The following RIPOR3 variants were observed in gnomAD, a reference collection of about 807,000 sequenced individuals.
RIPOR3 encodes RIPOR family member 3.
RIPOR3 carries 95 observed loss-of-function variants against 114.3 expected under a neutral mutation model. That is an observed-to-expected ratio of 0.83 (90% CI 0.70 to 0.99). The LOEUF (loss-of-function observed/expected upper bound fraction) is 0.99. Among genes scored for constraint, RIPOR3 ranks in the 50% least tolerant of loss-of-function variants. The pLI is 0.00. For missense variants in RIPOR3, 1,252 were observed against 1,266.9 expected (o/e 0.99, Z 0.18); for synonymous variants, 575 against 543.8 (o/e 1.06, Z -0.80).
chr20:50,589,620 C>T (rs2122853417), intron 20 of RIPOR3, 66 bp downstream of exon 20: 2 of 1,529,776 alleles, frequency 1.3e-6, no homozygotes, highest in Non-Finnish European at 9.0e-7. Flanking sequence ...TTGAAGTTAA[C>T]TAACCTTAAC....
At chr20:50,610,402 C>G (rs926348267) in intron 6 of RIPOR3, among the ~76,000 whole-genome samples, 2 of 152,190 alleles carry the variant, frequency 1.3e-5, no homozygotes, top group Non-Finnish European at 2.9e-5. Context: ...TAACCTGCCA[C>G]CCACTGGGCA....
At chr20:50,683,746 C>T (rs905455809) in intron 1 of RIPOR3, among the ~76,000 whole-genome samples, 1 of 151,830 alleles carries the variant, frequency 6.6e-6, no homozygotes, top group Non-Finnish European at 1.5e-5. Context: ...TGTGAGCCAC[C>T]ACACCTGGTC....
intron 1 of RIPOR3, among the ~76,000 whole-genome samples, chr20:50,686,520 G>T (rs538257485): frequency 6.6e-6 from 1 of 151,948 alleles, no homozygotes; most frequent in Admixed American, 6.6e-5. Context: ...AGGCCTACGC[G>T]GGTAGATCAC....
At chr20:50,649,240 T>A (rs2123385555) in intron 1 of RIPOR3, among the ~76,000 whole-genome samples, 1 of 152,012 alleles carries the variant, frequency 6.6e-6, no homozygotes, top group African/African-American at 2.4e-5. Context: ...AGGTTAGGAG[T>A]TGGAGACCAG....
chr20:50,683,240 A>C (rs1227663807), intron 1 of RIPOR3, among the ~76,000 whole-genome samples: 1 of 152,180 alleles, frequency 6.6e-6, no homozygotes, highest in Non-Finnish European at 1.5e-5. Context: ...ACAGTGAGAG[A>C]GGGAGGGAGG....
chr20:50,609,760 G>A lies in RIPOR3; in HGVS notation c.427-38C>T, dbSNP rs561453038. 60 of 1,354,216 alleles carry A rather than the reference G, an allele frequency of 4.4e-5. No individual in the cohort carries two copies. In the South Asian group the frequency reaches 8.1e-4, roughly 18 times the overall value. 83.9% of individuals were successfully genotyped at this position (1,354,216 alleles called of 1,614,324 possible). Reference sequence around the variant, plus strand: ...CACGGGCTGGTGGCGCTGCCCACGCGGAGGGGCGGCCCCACACCTGCCTGT... The same window carrying A: ...CACGGGCTGGTGGCGCTGCCCACGCAGAGGGGCGGCCCCACACCTGCCTGT... On this transcript the variant is annotated intron_variant, in intron 6 of 21. Coordinates refer to ENST00000327979, the MANE Select transcript of RIPOR3 (RefSeq NM_001290268.2).
chr20:50,599,476 G>A (rs2083422250), intron 13 of RIPOR3, among the ~76,000 whole-genome samples: 1 of 152,168 alleles, frequency 6.6e-6, no homozygotes, highest in Non-Finnish European at 1.5e-5. Flanking sequence ...ATGCCTGAAG[G>A]AAGCTCATCT....
Position 50,616,375 on chromosome 20 carries a change from C to A in RIPOR3, c.270-295G>T, listed in dbSNP as rs74667441. On this transcript the variant is annotated intron_variant, in intron 3 of 21. Coordinates refer to ENST00000327979, the MANE Select transcript of RIPOR3 (RefSeq NM_001290268.2). ...TTTATTGTTTGAGACAAGGTCCCCC[C>A]TCTCTCGCCCAGGCTGGAGTGCAGT... 1.4e-3 allele frequency among the ~76,000 whole-genome samples: 213 copies of A among 152,268 alleles called. 1 individual carries two copies. Among genetic ancestry groups the A allele is most frequent in the African/African-American group, 4.9e-3 (204 of 41,562 alleles).
chr20:50,657,677 T>C, intron 1 of RIPOR3, among the ~76,000 whole-genome samples: 1 of 152,012 alleles, frequency 6.6e-6, no homozygotes, highest in Non-Finnish European at 1.5e-5. Context: ...AGTATTTTTC[T>C]AATACTAGTT....
rs1006037258 is a variant in RIPOR3 at position 50,616,049 on chromosome 20, C to G, written c.301G>C (p.Asp101His). The G allele has an allele frequency of 6.8e-6, 11 of 1,611,804 alleles. No individual in the cohort carries two copies. Among genetic ancestry groups the G allele is most frequent in the Non-Finnish European group, 9.3e-6 (11 of 1,179,236 alleles). ...EYLCVQQAEL[D>H]HLSGRHKDTR... ...TCTTTGTGGCGTCCAGACAGGTGGT[C>G]CAGCTCAGCCTGCTGCACACACAGA... The change falls in exon 4 of 22, where the codon GAC (aspartate) becomes CAC (histidine). Residue 101 changes from aspartate (D) to histidine (H), a missense_variant. Physicochemically the swap from Asp to His is moderately conservative, Grantham distance 81 (BLOSUM62 -1). Coordinates refer to ENST00000327979, the MANE Select transcript of RIPOR3 (RefSeq NM_001290268.2).
chr20:50,633,571 T>A (rs1426011967), intron 1 of RIPOR3, among the ~76,000 whole-genome samples: 1 of 152,048 alleles, frequency 6.6e-6, no homozygotes, highest in Non-Finnish European at 1.5e-5. Context: ...AGGTGAGTAG[T>A]TGAGACGTAC....
chr20:50,665,064 T>C (rs903199880), intron 1 of RIPOR3, among the ~76,000 whole-genome samples: 4 of 152,056 alleles, frequency 2.6e-5, no homozygotes, highest in Non-Finnish European at 4.4e-5. Context: ...ATCATGCCAC[T>C]GCATTCCAGC....
chr20:50,592,660 C>T (rs1017539735), intron 18 of RIPOR3, 114 bp from the exon 19 acceptor site: 47 of 971,212 alleles, frequency 4.8e-5, no homozygotes, highest in Non-Finnish European at 5.7e-5. Flanking sequence ...CCAGACCCAC[C>T]GGGATGATCA....
At chr20:50,609,261 G>A in intron 8 of RIPOR3, 32 bp downstream of exon 8, 2 of 1,609,410 alleles carry the variant, frequency 1.2e-6, no homozygotes, top group Non-Finnish European at 1.7e-6. Context: ...CCTCCAGAAA[G>A]GCCTCCGCCC....
chr20:50,629,229 G>A (rs772500806), intron 2 of RIPOR3, among the ~76,000 whole-genome samples: 5 of 152,176 alleles, frequency 3.3e-5, no homozygotes, highest in Non-Finnish European at 7.4e-5. Context: ...TCAAGTCGGG[G>A]AAGAGCATGG....
intron 1 of RIPOR3, among the ~76,000 whole-genome samples, chr20:50,666,708 G>A (rs1312265164): frequency 6.6e-6 from 1 of 151,948 alleles, no homozygotes; most frequent in African/African-American, 2.4e-5. Context: ...CTACAGGCGT[G>A]TGCCACCATG....
intron 1 of RIPOR3, among the ~76,000 whole-genome samples, chr20:50,682,608 A>C (rs2086892728): frequency 1.4e-4 from 2 of 13,952 alleles, no homozygotes; most frequent in Admixed American, 2.5e-3. Context: ...CCCTGTCTCA[A>C]AATATGTGTG....
intron 1 of RIPOR3, among the ~76,000 whole-genome samples, chr20:50,690,158 G>A (rs570786329): frequency 4.6e-5 from 7 of 152,340 alleles, no homozygotes; most frequent in African/African-American, 4.8e-5. Flanking sequence ...CGCTGTATGC[G>A]TTTCACAATT....
intron 1 of RIPOR3, among the ~76,000 whole-genome samples, chr20:50,660,689 C>T (rs1490616190): frequency 6.6e-6 from 1 of 151,798 alleles, no homozygotes; most frequent in Non-Finnish European, 1.5e-5. Flanking sequence ...CCGAACTTTC[C>T]ATTACACGAA....
Sources: gnomAD v4.1 joint callset for allele counts (sites outside exome capture counted in the v4.1 genomes callset) on GRCh38, gnomAD v4.1.1 for gene constraint, MANE v1.5 for transcripts, NCBI Gene and HGNC (gene_info 2026-07-23, HGNC 2026-07-21) for gene names.